RAD51B: variants seen among roughly 807,000 people sequenced by gnomAD.
RAD51B encodes the protein RAD51 paralog B, also known as DNA repair protein RAD51 homolog 2.
Under a neutral mutation model 42.2 loss-of-function variants are expected in RAD51B, and 38 were observed. The observed-to-expected ratio is 0.90, with a 90% CI of 0.70 to 1.18. The LOEUF is 1.18. Among genes scored for constraint, RAD51B ranks in the 50% most tolerant of loss-of-function variants. The pLI is 0.00. For missense variants in RAD51B, 373 were observed against 400.7 expected (o/e 0.93, Z 0.59); for synonymous variants, 154 against 145.2 (o/e 1.06, Z -0.43).
chr14:68,012,432 T>A (rs746056815), intron 7 of RAD51B, among the ~76,000 whole-genome samples: 23 of 151,092 alleles, frequency 1.5e-4, no homozygotes, highest in Admixed American at 1.1e-3. Context: ...ACAAAGAATT[T>A]TATATATATA....
intron 7 of RAD51B, among the ~76,000 whole-genome samples, chr14:68,185,261 C>T (rs1306529510): frequency 6.6e-6 from 1 of 152,126 alleles, no homozygotes; most frequent in Non-Finnish European, 1.5e-5. Context: ...ATAATAACTA[C>T]ATAATAAAGT....
rs373689386 is a variant in RAD51B, at chr14:68,474,966, G to C, written c.1037-2682G>C. ...CTTAGCTCTACATGTCTATCGAAGAGCCCAGGCCATTGACTTTTTGCTCTG... is the reference window on the plus strand; with the variant it reads ...CTTAGCTCTACATGTCTATCGAAGACCCCAGGCCATTGACTTTTTGCTCTG... On this transcript the variant is annotated intron_variant, in intron 10 of 10. Coordinates refer to ENST00000471583, the MANE Select transcript of RAD51B (RefSeq NM_133510.4). Among the ~76,000 whole-genome samples the C allele has an allele frequency of 5.9e-5, 9 of 152,268 alleles. No individual in the cohort carries two copies. In the East Asian group the frequency reaches 1.3e-3, roughly 23 times the overall value.
chr14:68,453,164 C>T lies in RAD51B; in HGVS notation c.958-15008C>T, dbSNP rs940157260. On this transcript the variant is annotated intron_variant, in intron 9 of 10. Transcript: ENST00000471583. ...GAAAAACTAAAGTTCACAAAGAGTGCCTGCACTTTAATGTGGAGGTTTGAC... is the reference window on the plus strand; with the variant it reads ...GAAAAACTAAAGTTCACAAAGAGTGTCTGCACTTTAATGTGGAGGTTTGAC... Among the ~76,000 whole-genome samples the T allele has an allele frequency of 3.3e-5, 5 of 152,238 alleles. No homozygotes were observed. The East Asian group carries it at 9.6e-4, about 29-fold the overall frequency.
chr14:68,460,403 A>G (rs1325112433), intron 9 of RAD51B, among the ~76,000 whole-genome samples: 2 of 152,158 alleles, frequency 1.3e-5, no homozygotes, highest in Non-Finnish European at 1.5e-5. Context: ...CAGTGAGCCA[A>G]GATCACACCA....
chr14:68,008,105 A>G (rs1262394404), intron 7 of RAD51B, among the ~76,000 whole-genome samples: 2 of 151,928 alleles, frequency 1.3e-5, no homozygotes, highest in Non-Finnish European at 2.9e-5. Flanking sequence ...ATATGTCTAT[A>G]TAATTTGAAT....
chr14:67,895,412 G>A (rs745686475), intron 7 of RAD51B, among the ~76,000 whole-genome samples: 1 of 152,128 alleles, frequency 6.6e-6, no homozygotes, highest in African/African-American at 2.4e-5. Flanking sequence ...TCCATCCTGG[G>A]TTGTTATTGT....
intron 7 of RAD51B, among the ~76,000 whole-genome samples, chr14:67,970,181 T>C (rs945859966): frequency 6.6e-6 from 1 of 152,170 alleles, no homozygotes; most frequent in Non-Finnish European, 1.5e-5. Context: ...ATAATAAAGA[T>C]AACCACTGCC....
At chr14:68,210,854 C>G (rs1377942123) in intron 7 of RAD51B, among the ~76,000 whole-genome samples, 1 of 152,120 alleles carries the variant, frequency 6.6e-6, no homozygotes, top group South Asian at 2.1e-4. Context: ...AAGTAGGTCA[C>G]TTCACCAAAC....
intron 7 of RAD51B, among the ~76,000 whole-genome samples, chr14:68,221,600 A>G (rs1427362627): frequency 3.9e-5 from 6 of 152,350 alleles, no homozygotes; most frequent in Non-Finnish European, 8.8e-5. Flanking sequence ...ATAACATCAG[A>G]AAAACCCTTC....
intron 10 of RAD51B, among the ~76,000 whole-genome samples, chr14:68,535,032 T>C (rs1444815494): frequency 6.6e-6 from 1 of 152,192 alleles, no homozygotes; most frequent in Non-Finnish European, 1.5e-5. Flanking sequence ...CCTAAGTTCA[T>C]GGGACTAGCA....
chr14:68,438,566 A>G (rs1431006384), intron 9 of RAD51B, among the ~76,000 whole-genome samples: 2 of 152,098 alleles, frequency 1.3e-5, no homozygotes, highest in Non-Finnish European at 2.9e-5. Context: ...ATCAGAAATG[A>G]TTTCTTATAA....
chr14:68,580,308 C>T (rs1209648258), intron 10 of RAD51B, among the ~76,000 whole-genome samples: 1 of 150,850 alleles, frequency 6.6e-6, no homozygotes, highest in Admixed American at 6.6e-5. Context: ...GTGGTTTGGC[C>T]TGATCTCAGA....
intron 7 of RAD51B, among the ~76,000 whole-genome samples, chr14:68,156,917 G>A (rs1193622964): frequency 1.3e-5 from 2 of 152,134 alleles, no homozygotes; most frequent in Non-Finnish European, 2.9e-5. Context: ...AGGACTCACA[G>A]CCAGGCATGG....
At chr14:68,522,598 T>G (rs1373077540) in intron 10 of RAD51B, among the ~76,000 whole-genome samples, 1 of 152,218 alleles carries the variant, frequency 6.6e-6, no homozygotes, top group Admixed American at 6.5e-5. Context: ...GGCTCGTGTG[T>G]GGAAGACAGT....
chr14:67,986,356 C>CT (rs2075193205), intron 7 of RAD51B, among the ~76,000 whole-genome samples: 1 of 152,078 alleles, frequency 6.6e-6, no homozygotes, highest in African/African-American at 2.4e-5. Context: ...ACCATGGTAA[C>CT]AATAGAAGCA....
intron 5 of RAD51B, among the ~76,000 whole-genome samples, chr14:67,873,021 A>G (rs2042595949): frequency 6.6e-6 from 1 of 152,236 alleles, no homozygotes; most frequent in Non-Finnish European, 1.5e-5. Context: ...TTCAGGACAT[A>G]GGCATGGGCA....
chr14:68,111,078 G>C (rs2077452163), intron 7 of RAD51B, among the ~76,000 whole-genome samples: 2 of 152,062 alleles, frequency 1.3e-5, no homozygotes. Flanking sequence ...ATAATTACAT[G>C]AAAGGATCTG....
chr14:67,979,372 A>G (rs1399657354), intron 7 of RAD51B, among the ~76,000 whole-genome samples: 1 of 152,192 alleles, frequency 6.6e-6, no homozygotes, highest in African/African-American at 2.4e-5. Flanking sequence ...AGACATTTTA[A>G]TAGTTTTCAA....
chr14:68,065,519 G>T (rs769328929), intron 7 of RAD51B, among the ~76,000 whole-genome samples: 5 of 152,146 alleles, frequency 3.3e-5, no homozygotes. Flanking sequence ...CCAAGGGAGT[G>T]CAGGGCTGAT....
Sources: gnomAD v4.1 joint callset for allele counts (sites outside exome capture counted in the v4.1 genomes callset) on GRCh38, gnomAD v4.1.1 for gene constraint, MANE v1.5 for transcripts, NCBI Gene and HGNC (gene_info 2026-07-23, HGNC 2026-07-21) for gene names.